DNAAF9: variants seen among roughly 807,000 people sequenced by gnomAD.
DNAAF9 encodes shulin.
DNAAF9 carries 90 observed loss-of-function variants against 167.0 expected under a neutral mutation model. That is an observed-to-expected ratio of 0.54 (90% CI 0.45 to 0.64). The LOEUF (loss-of-function observed/expected upper bound fraction) is 0.64. Among genes scored for constraint, DNAAF9 ranks in the 30% least tolerant of loss-of-function variants. The probability of loss-of-function intolerance (pLI) is 0.00; values close to 1 mark genes in which losing one functional copy is unlikely to be tolerated. For missense variants in DNAAF9, 1,315 were observed against 1,442.2 expected (o/e 0.91, Z 1.43); for synonymous variants, 491 against 508.8 (o/e 0.96, Z 0.47).
intron 1 of DNAAF9, among the ~76,000 whole-genome samples, chr20:3,392,296 A>G (rs1465786147): frequency 6.6e-6 from 1 of 152,210 alleles, no homozygotes. Context: ...TAGAAGACGC[A>G]TAGACTCAGC....
chr20:3,315,851 C>G lies in DNAAF9; in HGVS notation c.1540-66G>C, dbSNP rs2069492020. 11 of 1,167,138 alleles carry G rather than the reference C, an allele frequency of 9.4e-6. No individual in the cohort carries two copies. The highest frequency in any genetic ancestry group is 1.3e-5 in the Non-Finnish European group (10 of 772,014). The allele number at this position is 1,167,138 out of a possible 1,614,324, so 72.3% of individuals were successfully genotyped here. A position where few individuals can be genotyped will look rare whatever the true frequency, so the allele number is the denominator to read the frequency against. On this transcript the variant is annotated intron_variant, in intron 18 of 36. Transcript: ENST00000252032. This position sits in a 1 kb window ranked among gnomAD's most constrained non-coding sequence, Gnocchi z 4.1. ...AAGGGAAAACCCTGCTAGGTCTCCC[C>G]ACTGTGTTCAAATATTTCCAGGACA...
At chr20:3,287,029 G>A (rs1223857777) in intron 27 of DNAAF9, among the ~76,000 whole-genome samples, 1 of 152,168 alleles carries the variant, frequency 6.6e-6, no homozygotes, top group Non-Finnish European at 1.5e-5. Flanking sequence ...GGGTCCCCTG[G>A]AGCAGTGGTA....
intron 1 of DNAAF9, among the ~76,000 whole-genome samples, chr20:3,385,753 A>G (rs1301281536): frequency 6.6e-6 from 1 of 152,224 alleles, no homozygotes; most frequent in African/African-American, 2.4e-5. Context: ...TACCATTTAT[A>G]ATCTCTTAAA....
rs773662026 is a variant in DNAAF9 at position 3,315,762 on chromosome 20, C to T, written c.1563G>A (p.Leu521=). The change falls in exon 19 of 37, where the codon TTG becomes TTA. Residue 521 remains leucine (L), a synonymous_variant. Transcript: ENST00000252032. This position sits in a 1 kb window ranked among gnomAD's most constrained non-coding sequence, Gnocchi z 4.1. ...TCACTGCTTGCTGGGTTTTCTCAGA[C>T]AATTTTACTTCATTATCTTCCACCT... The part of the protein sequence containing the change: ...SWLVEDNEVK[L]SEKTQQAVRG... The T allele has an allele frequency of 1.9e-6, 3 of 1,613,852 alleles. No homozygotes were observed. The highest frequency in any genetic ancestry group is 2.7e-5 in the African/African-American group (2 of 75,050).
intron 30 of DNAAF9, among the ~76,000 whole-genome samples, chr20:3,268,392 G>T (rs1317022755): frequency 6.6e-6 from 1 of 151,034 alleles, no homozygotes. Flanking sequence ...GCAATGGTAC[G>T]ATCTTGGCTC....
intron 12 of DNAAF9, among the ~76,000 whole-genome samples, chr20:3,329,378 C>T (rs1600795978): frequency 6.6e-6 from 1 of 152,130 alleles, no homozygotes; most frequent in Non-Finnish European, 1.5e-5. Flanking sequence ...AGGCTAGTCT[C>T]GAATTCCTGG....
chr20:3,393,578 A>G (rs2083858856), intron 1 of DNAAF9, among the ~76,000 whole-genome samples: 1 of 152,212 alleles, frequency 6.6e-6, no homozygotes, highest in African/African-American at 2.4e-5. Context: ...TTTTGTTTTT[A>G]TTTAACCAGC....
chr20:3,264,299 C>CA (rs1346478011), intron 31 of DNAAF9, 139 bp downstream of exon 31: 16 of 614,162 alleles, frequency 2.6e-5, no homozygotes, highest in Non-Finnish European at 4.7e-5. Flanking sequence ...GCCGGACAGG[C>CA]AGGCCGTGCC....
At chr20:3,317,234 A>G (rs80050989) in intron 17 of DNAAF9, among the ~76,000 whole-genome samples, 37,792 of 151,332 alleles carry the variant, frequency 0.25, 5,313 homozygotes, top group African/African-American at 0.37. Context: ...GTGGTGGCGC[A>G]TCTGTGGTCC....
chr20:3,294,466 T>C, intron 24 of DNAAF9, 62 bp downstream of exon 24: 1 of 1,162,844 alleles, frequency 8.6e-7, no homozygotes, highest in South Asian at 1.3e-5. Flanking sequence ...GGACCAACAC[T>C]GAGGTTTCCG....
intron 23 of DNAAF9, among the ~76,000 whole-genome samples, chr20:3,294,967 G>A (rs1313246708): frequency 2.0e-5 from 3 of 151,846 alleles, no homozygotes; most frequent in Non-Finnish European, 2.9e-5. Flanking sequence ...CCGGGTTCAC[G>A]CCATTCTCCT....
At chr20:3,319,331 G>T (rs917105589) in intron 16 of DNAAF9, among the ~76,000 whole-genome samples, 3 of 133,808 alleles carry the variant, frequency 2.2e-5, no homozygotes, top group African/African-American at 8.2e-5. Flanking sequence ...ACAAATAAAA[G>T]CTGAGGCTTC....
At chr20:3,348,848 C>T (rs571459064) in intron 7 of DNAAF9, among the ~76,000 whole-genome samples, 2 of 152,082 alleles carry the variant, frequency 1.3e-5, no homozygotes, top group East Asian at 3.9e-4. Context: ...ATATGTGGTC[C>T]AGTCATATGA....
chr20:3,292,292 G>A (rs1263658295), intron 25 of DNAAF9, among the ~76,000 whole-genome samples: 4 of 152,068 alleles, frequency 2.6e-5, no homozygotes, highest in South Asian at 2.1e-4. Flanking sequence ...GAGCCATGCC[G>A]CCTGGGCGAG....
intron 30 of DNAAF9, among the ~76,000 whole-genome samples, chr20:3,268,591 T>C (rs2122794363): frequency 6.6e-6 from 1 of 152,328 alleles, no homozygotes; most frequent in East Asian, 1.9e-4. Flanking sequence ...CCTCCCAAAG[T>C]GCTGGGATTA....
intron 33 of DNAAF9, among the ~76,000 whole-genome samples, chr20:3,257,675 C>G (rs1455821966): frequency 6.6e-6 from 1 of 152,024 alleles, no homozygotes; most frequent in East Asian, 1.9e-4. Context: ...TCCCAAGTAG[C>G]TGGGATTAAA....
intron 1 of DNAAF9, among the ~76,000 whole-genome samples, chr20:3,403,189 T>C (rs1483849352): frequency 1.3e-5 from 2 of 152,058 alleles, no homozygotes; most frequent in East Asian, 3.9e-4. Context: ...CATTGCCACA[T>C]CCAAGCAGCT....
At chr20:3,368,466 G>A (rs1479565564) in intron 6 of DNAAF9, among the ~76,000 whole-genome samples, 5 of 151,148 alleles carry the variant, frequency 3.3e-5, no homozygotes, top group Non-Finnish European at 7.4e-5. Context: ...CTTCCTGGAA[G>A]CCTTTTTTTT....
chr20:3,261,723 C>A (rs953255991), intron 31 of DNAAF9, among the ~76,000 whole-genome samples: 10 of 133,366 alleles, frequency 7.5e-5, no homozygotes, highest in Admixed American at 5.2e-4. Flanking sequence ...TTGAAAGTAT[C>A]TTATTCTTCT....
Sources: allele counts gnomAD v4.1 joint callset (sites outside exome capture counted in the v4.1 genomes callset), GRCh38; gene constraint gnomAD v4.1.1; non-coding constraint Gnocchi (gnomAD v3.1); transcripts MANE v1.5; gene names NCBI Gene and HGNC (gene_info 2026-07-23, HGNC 2026-07-21).